The following HMGCLL1 variants were observed in gnomAD, a reference collection of about 807,000 sequenced individuals.
HMGCLL1 encodes 3-hydroxymethyl-3-methylglutaryl-CoA lyase, cytoplasmic.
A neutral mutation model predicts 39.1 loss-of-function variants in HMGCLL1; 36 were observed. The ratio of observed to expected loss-of-function variants is 0.92; its 90% confidence interval spans 0.71 to 1.22. The LOEUF is 1.22. Among genes scored for constraint, HMGCLL1 ranks in the 50% most tolerant of loss-of-function variants. The probability of loss-of-function intolerance (pLI) is 0.00; values close to 1 mark genes in which losing one functional copy is unlikely to be tolerated. For synonymous variants in HMGCLL1, 149 were observed against 144.0 expected (o/e 1.03, Z -0.25); for missense variants, 451 against 416.5 (o/e 1.08, Z -0.72).
chr6:55,585,395 A>AT, the HMGCLL1 span, among the ~76,000 whole-genome samples: 6 of 152,182 alleles, frequency 3.9e-5, no homozygotes, highest in East Asian at 3.9e-4. Flanking sequence ...AAATCCGCAT[A>AT]TTTTTTGCCA....
At chr6:55,534,259 A>G (rs1347671310) in intron 3 of HMGCLL1, among the ~76,000 whole-genome samples, 1 of 152,158 alleles carries the variant, frequency 6.6e-6, no homozygotes, top group Non-Finnish European at 1.5e-5. Flanking sequence ...GCCAGTTTTA[A>G]AAACATAAAA....
the HMGCLL1 span, among the ~76,000 whole-genome samples, chr6:55,590,636 T>C: frequency 1.3e-5 from 2 of 152,048 alleles, no homozygotes; most frequent in Non-Finnish European, 2.9e-5. Context: ...ATAAAAAATC[T>C]TCATAAAATT....
chr6:55,557,455 G>A (rs998314587), intron 1 of HMGCLL1, among the ~76,000 whole-genome samples: 2 of 152,016 alleles, frequency 1.3e-5, no homozygotes, highest in African/African-American at 4.8e-5. Flanking sequence ...CTCACTCACT[G>A]ACCCCTCACT....
intron 3 of HMGCLL1, among the ~76,000 whole-genome samples, chr6:55,529,248 T>C (rs1198100944): frequency 6.6e-6 from 1 of 152,128 alleles, no homozygotes; most frequent in East Asian, 1.9e-4. Flanking sequence ...CTCTCATATA[T>C]CATGTCTTTA....
At chr6:55,484,007 A>T (rs548600780) in intron 7 of HMGCLL1, among the ~76,000 whole-genome samples, 1 of 152,308 alleles carries the variant, frequency 6.6e-6, no homozygotes, top group African/African-American at 2.4e-5. Flanking sequence ...AAATGTGTTT[A>T]TATAGAAAAT....
the HMGCLL1 span, among the ~76,000 whole-genome samples, chr6:55,671,104 C>T: frequency 1.3e-5 from 2 of 151,748 alleles, no homozygotes; most frequent in Non-Finnish European, 2.9e-5. Flanking sequence ...AAGTGAAATT[C>T]GAAGAATGAT....
the HMGCLL1 span, among the ~76,000 whole-genome samples, chr6:55,656,714 G>T: frequency 1.3e-5 from 2 of 151,962 alleles, no homozygotes; most frequent in African/African-American, 4.8e-5. Context: ...AACTATCGAA[G>T]GTTTCTTTTT....
At chr6:55,455,069 T>G (rs1450737948) in intron 7 of HMGCLL1, among the ~76,000 whole-genome samples, 1 of 152,018 alleles carries the variant, frequency 6.6e-6, no homozygotes, top group Non-Finnish European at 1.5e-5. Flanking sequence ...ATCATACCAC[T>G]GCACTCCAGC....
At chr6:55,452,810 A>G (rs1354135742) in intron 7 of HMGCLL1, among the ~76,000 whole-genome samples, 1 of 152,192 alleles carries the variant, frequency 6.6e-6, no homozygotes, top group African/African-American at 2.4e-5. Flanking sequence ...TTGCTGGGAA[A>G]CAAAGACTAG....
intron 3 of HMGCLL1, among the ~76,000 whole-genome samples, chr6:55,522,923 G>A (rs1768109552): frequency 6.6e-6 from 1 of 151,940 alleles, no homozygotes; most frequent in Non-Finnish European, 1.5e-5. Context: ...TTAAGTGACA[G>A]AAGAGTTCAG....
At chr6:55,570,911 A>G (rs939815880) in intron 1 of HMGCLL1, among the ~76,000 whole-genome samples, 12 of 152,208 alleles carry the variant, frequency 7.9e-5, no homozygotes, top group African/African-American at 2.7e-4. Flanking sequence ...GGAAGGTGAA[A>G]GGCTCATCTT....
At chr6:55,553,289 C>T (rs12195913) in intron 1 of HMGCLL1, among the ~76,000 whole-genome samples, 99,599 of 148,304 alleles carry the variant, frequency 0.67, 33,571 homozygotes, top group Admixed American at 0.72. Flanking sequence ...ATGTATGTAA[C>T]TAGCAGGGCA....
chr6:55,524,860 G>A (rs1322228467), intron 3 of HMGCLL1, among the ~76,000 whole-genome samples: 6 of 151,688 alleles, frequency 4.0e-5, no homozygotes, highest in African/African-American at 1.5e-4. Context: ...CACTTTCTGA[G>A]GCACTGAATA....
the HMGCLL1 span, among the ~76,000 whole-genome samples, chr6:55,648,358 C>T: frequency 6.8e-6 from 1 of 146,040 alleles, no homozygotes; most frequent in African/African-American, 2.6e-5. Context: ...CAAGAAATAA[C>T]TAAAATCAGA....
At chr6:55,657,883 A>G in the HMGCLL1 span, among the ~76,000 whole-genome samples, 1 of 151,912 alleles carries the variant, frequency 6.6e-6, no homozygotes, top group Non-Finnish European at 1.5e-5. Context: ...CATAGGGGGA[A>G]CAAAACACAC....
At chr6:55,617,044 C>T in the HMGCLL1 span, among the ~76,000 whole-genome samples, 1 of 151,990 alleles carries the variant, frequency 6.6e-6, no homozygotes, top group African/African-American at 2.4e-5. Context: ...ATTTTTCTTT[C>T]CAACTTTTAC....
chr6:55,522,213 A>G (rs1768077516), intron 3 of HMGCLL1, among the ~76,000 whole-genome samples: 1 of 151,994 alleles, frequency 6.6e-6, no homozygotes, highest in Admixed American at 6.6e-5. Context: ...TTGTAAAAGA[A>G]AAACATTTAA....
At chr6:55,566,426 T>C (rs1300245726) in intron 1 of HMGCLL1, 5 of 272,132 alleles carry the variant, frequency 1.8e-5, no homozygotes, top group African/African-American at 1.1e-4. Context: ...TTCTGCCATC[T>C]GTATTTCTCT....
intron 7 of HMGCLL1, among the ~76,000 whole-genome samples, chr6:55,462,625 A>C (rs1764623417): frequency 6.6e-6 from 1 of 152,238 alleles, no homozygotes; most frequent in Admixed American, 6.5e-5. Flanking sequence ...AGAGCATGCA[A>C]ATAATTATTA....
Sources: gnomAD v4.1 joint callset for allele counts (sites outside exome capture counted in the v4.1 genomes callset) on GRCh38, gnomAD v4.1.1 for gene constraint, MANE v1.5 for transcripts, NCBI Gene and HGNC (gene_info 2026-07-23, HGNC 2026-07-21) for gene names.